C8A: variants seen among roughly 807,000 people sequenced by gnomAD.
The protein encoded by C8A is complement component C8 alpha chain.
C8A carries 67 observed loss-of-function variants against 65.3 expected under a neutral mutation model. The ratio of observed to expected loss-of-function variants is 1.03; its 90% CI spans 0.84 to 1.26. The LOEUF (loss-of-function observed/expected upper bound fraction) is 1.26. C8A is among the 50% of genes most tolerant of loss of function. The pLI is 0.00. For synonymous variants in C8A, 290 were observed against 259.4 expected (o/e 1.12, Z -1.13); for missense variants, 781 against 723.9 (o/e 1.08, Z -0.90).
intron 7 of C8A, among the ~76,000 whole-genome samples, chr1:56,904,995 A>G (rs770408219): frequency 2.8e-4 from 42 of 152,310 alleles, no homozygotes; most frequent in Non-Finnish European, 5.3e-4. Context: ...CACCTAAGTA[A>G]TCACTCTGGC....
intron 4 of C8A, among the ~76,000 whole-genome samples, chr1:56,878,655 A>G (rs1032724504): frequency 1.3e-5 from 2 of 152,096 alleles, no homozygotes; most frequent in African/African-American, 2.4e-5. Context: ...CCCAGATTAA[A>G]ATTTTTATTT....
At chr1:56,886,620 C>T (rs1481270827) in intron 7 of C8A, among the ~76,000 whole-genome samples, 3 of 152,106 alleles carry the variant, frequency 2.0e-5, no homozygotes, top group Admixed American at 2.0e-4. Context: ...CATTCTTCCA[C>T]TCTCCTCCAT....
intron 10 of C8A, among the ~76,000 whole-genome samples, chr1:56,916,087 A>G (rs769336062): frequency 6.6e-5 from 10 of 152,214 alleles, no homozygotes; most frequent in Non-Finnish European, 4.4e-5. Context: ...GTGCCTCTCC[A>G]TGGTCCAGTG....
intron 9 of C8A, among the ~76,000 whole-genome samples, chr1:56,911,760 A>G (rs751057278): frequency 9.2e-5 from 14 of 152,238 alleles, no homozygotes; most frequent in Non-Finnish European, 1.6e-4. Flanking sequence ...ACTCCCACCC[A>G]GCCACATGTA....
At chr1:56,860,889 A>G (rs1644027468) in intron 1 of C8A, among the ~76,000 whole-genome samples, 1 of 152,228 alleles carries the variant, frequency 6.6e-6, no homozygotes, top group Admixed American at 6.5e-5. Flanking sequence ...AGGCAGGAAG[A>G]GAGTGAGGAG....
chr1:56,867,668 A>G lies in C8A; in HGVS notation c.137A>G (p.Glu46Gly). ...AVTCQLSNWS[E>G]WTDCFPCQDK... ...ACCTGCCAGCTGAGCAACTGGTCAG[A>G]GTGGACAGATTGCTTTCCGTGCCAG... is the stretch of plus-strand genomic sequence containing the variant. Residue 46 changes from glutamate (E) to glycine (G), a missense_variant, in exon 2 of 11, where the codon GAG (glutamate) becomes GGG (glycine). Transcript: ENST00000361249. 6.2e-7 allele frequency: 1 copy of G among 1,613,944 alleles called. No homozygotes were observed. The highest frequency in any genetic ancestry group is 8.5e-7 in the Non-Finnish European group (1 of 1,179,886).
rs1221766302 is a variant in C8A at position 56,917,788 on chromosome 1, C to T, written c.*72C>T. On this transcript the variant is annotated 3_prime_UTR_variant, in exon 11 of 11. Coordinates refer to ENST00000361249, the MANE Select transcript of C8A (RefSeq NM_000562.3). ...TGCACTGACTATTGGATAAAGACTT[C>T]TTTCAACTAAGAGAAGATGCAAATC... The T allele has an allele frequency of 2.6e-6, 4 of 1,563,786 alleles. No individual in the cohort carries two copies. The highest frequency in any genetic ancestry group is 3.5e-6 in the Non-Finnish European group (4 of 1,138,444).
intron 1 of C8A, among the ~76,000 whole-genome samples, chr1:56,857,032 C>A (rs1328963895): frequency 1.3e-5 from 2 of 151,882 alleles, no homozygotes; most frequent in African/African-American, 2.4e-5. Context: ...GTTTTAATTG[C>A]AGTTCTTTTA....
Position 56,883,470 on chromosome 1 carries a change from T to C in C8A, c.655-11T>C. On this transcript the variant is annotated splice_polypyrimidine_tract_variant and intron_variant, in intron 5 of 10. Coordinates refer to ENST00000361249, the MANE Select transcript of C8A (RefSeq NM_000562.3). ...GTGCACAAAGCTAATATCTATCCTT[T>C]TTTTTTTCAGGCCCTGGCAGATACT... 1 of 1,610,502 alleles carries C rather than the reference T, an allele frequency of 6.2e-7. No homozygotes were observed. Among genetic ancestry groups the C allele is most frequent in the Non-Finnish European group, 8.5e-7 (1 of 1,176,830 alleles).
In C8A at chr1:56,917,615, A is replaced by G. The variant is rs56334452; in HGVS notation, c.1654A>G (p.Arg552Gly). The G allele has an allele frequency of 1.3e-4, 205 of 1,614,210 alleles. No homozygotes were observed. The East Asian group carries it at 4.2e-3, about 33-fold the overall frequency. ...TTGCTGGAGCTCCTGGTCTGTATGC[A>G]GAGCAGGCATCCAGGAAAGGAGAAG... ...WSCWSSWSVC[R>G]AGIQERRREC... The change falls in exon 11 of 11, where the codon AGA becomes GGA. Residue 552 changes from arginine (R) to glycine (G), a missense_variant. By Grantham distance (125) the Arg-to-Gly change is moderately radical (BLOSUM62 -2). Transcript: ENST00000361249.
chr1:56,916,720 G>A (rs1460552063), intron 10 of C8A, among the ~76,000 whole-genome samples: 1 of 152,154 alleles, frequency 6.6e-6, no homozygotes, highest in Admixed American at 6.5e-5. Context: ...AAATGAAATT[G>A]TGATGAAAAA....
intron 4 of C8A, among the ~76,000 whole-genome samples, chr1:56,879,229 C>T (rs1006634525): frequency 5.3e-5 from 8 of 152,118 alleles, no homozygotes; most frequent in African/African-American, 1.9e-4. Flanking sequence ...AATTATTTGA[C>T]TACTTCCTAT....
At chr1:56,884,968 A>G (rs182558188) in intron 6 of C8A, among the ~76,000 whole-genome samples, 1 of 152,262 alleles carries the variant, frequency 6.6e-6, no homozygotes, top group East Asian at 1.9e-4. Flanking sequence ...TCTTAAACAC[A>G]GTTTTTAATG....
intron 9 of C8A, among the ~76,000 whole-genome samples, chr1:56,908,965 G>T (rs1379985147): frequency 6.6e-6 from 1 of 152,162 alleles, no homozygotes; most frequent in Non-Finnish European, 1.5e-5. Context: ...CCACAGTGGG[G>T]CAAGGAGGTG....
intron 3 of C8A, among the ~76,000 whole-genome samples, 170 bp from the exon 4 acceptor site, chr1:56,875,892 G>C (rs1324370498): frequency 2.0e-5 from 3 of 152,160 alleles, no homozygotes; most frequent in Non-Finnish European, 2.9e-5. Flanking sequence ...AAGCTGGGAG[G>C]CTGCAGACAG....
At chr1:56,858,969 C>T (rs753582858) in intron 1 of C8A, among the ~76,000 whole-genome samples, 24 of 152,166 alleles carry the variant, frequency 1.6e-4, no homozygotes, top group Non-Finnish European at 2.6e-4. Context: ...GAGTTCTTGT[C>T]AGGACTTTAG....
In C8A at chr1:56,881,437, C is replaced by T. The variant is rs921927362; in HGVS notation, c.465-8C>T. On this transcript the variant is annotated splice_polypyrimidine_tract_variant and splice_region_variant and intron_variant, in intron 4 of 10. Transcript: ENST00000361249. ...CTAGCTATTTAGAAGCTGCTTTGTT[C>T]CATGTAGGTACAATATCCTGACCCA... 6.2e-7 allele frequency: 1 copy of T among 1,613,346 alleles called. No individual in the cohort carries two copies. Among genetic ancestry groups the T allele is most frequent in the African/African-American group, 1.3e-5 (1 of 74,830 alleles).
At chr1:56,877,500 G>A (rs748691536) in intron 4 of C8A, among the ~76,000 whole-genome samples, 7 of 152,054 alleles carry the variant, frequency 4.6e-5, no homozygotes, top group Admixed American at 6.6e-5. Context: ...CTCCAGTACC[G>A]GAACAGGGCT....
chr1:56,878,108 C>T (rs1570325545), intron 4 of C8A, among the ~76,000 whole-genome samples: 2 of 152,226 alleles, frequency 1.3e-5, no homozygotes, highest in Admixed American at 1.3e-4. Flanking sequence ...TGATGGCTGC[C>T]TTCTTCCTGT....
Sources: allele counts gnomAD v4.1 joint callset (sites outside exome capture counted in the v4.1 genomes callset), GRCh38; gene constraint gnomAD v4.1.1; transcripts MANE v1.5; gene names NCBI Gene and HGNC (gene_info 2026-07-23, HGNC 2026-07-21).